METTL22: variants seen among roughly 807,000 people sequenced by gnomAD.
The protein encoded by METTL22 is methyltransferase-like protein 22.
Under a neutral mutation model 48.4 loss-of-function variants are expected in METTL22, and 51 were observed. The ratio of observed to expected loss-of-function variants is 1.05; its 90% CI spans 0.84 to 1.33. METTL22 has a LOEUF of 1.33. METTL22 is among the 40% of genes most tolerant of loss of function. METTL22 has a pLI of 0.00. For missense variants in METTL22, 678 were observed against 526.9 expected (o/e 1.29, Z -2.81); for synonymous variants, 255 against 214.1 (o/e 1.19, Z -1.67).
At position 8,642,467 on chromosome 16, in the gene METTL22, T is replaced by A. The variant is rs753256419; in HGVS notation, c.912T>A (p.Phe304Leu). Residue 304 changes from phenylalanine (F) to leucine (L), a missense_variant, in exon 9 of 11, where the codon TTT becomes TTA. Phe to Leu is a conservative substitution (Grantham distance 22, BLOSUM62 0). Transcript: ENST00000381920. ...TGGCCTTTTTGCTTCCCACAGTGTT[T>A]TACGACGACGACTTGACTGATGCTG... ...HTTILFAAEV[F>L]YDDDLTDAVF... 2.5e-6 allele frequency: 4 copies of A among 1,614,202 alleles called. No homozygotes were observed. Among genetic ancestry groups the A allele is most frequent in the Non-Finnish European group, 2.5e-6 (3 of 1,180,016 alleles).
chr16:8,624,608 G>A (rs1418253155), intron 1 of METTL22, among the ~76,000 whole-genome samples: 4 of 152,014 alleles, frequency 2.6e-5, no homozygotes, highest in Non-Finnish European at 5.9e-5. Flanking sequence ...GCTCACGCCT[G>A]TAATCCCAGC....
At chr16:8,634,246 C>T (rs1448614605) in intron 3 of METTL22, among the ~76,000 whole-genome samples, 1 of 152,168 alleles carries the variant, frequency 6.6e-6, no homozygotes, top group Non-Finnish European at 1.5e-5. Context: ...CCTACACAGT[C>T]GATTTCTTTC....
chr16:8,644,539 C>T lies in METTL22; in HGVS notation c.1011-18C>T, dbSNP rs370223411. 18 of 1,527,892 alleles carry T rather than the reference C, an allele frequency of 1.2e-5. No individual in the cohort carries two copies. The highest frequency in any genetic ancestry group is 2.8e-5 in the African/African-American group (2 of 71,900). The allele number at this position is 1,527,892 out of a possible 1,614,324, so 94.6% of individuals were successfully genotyped here. On this transcript the variant is annotated intron_variant, in intron 9 of 10. Coordinates refer to ENST00000381920, the MANE Select transcript of METTL22 (RefSeq NM_024109.4). ...CATTGATGATGGCAGTTTGTGCGTC[C>T]GACTGGCTGGTTTGCAGGCTCAACT...
chr16:8,640,997 G>A (rs1057164287), intron 6 of METTL22, 134 bp from the exon 7 acceptor site: 2 of 738,380 alleles, frequency 2.7e-6, no homozygotes, highest in African/African-American at 1.8e-5. Context: ...AAGATGGAAG[G>A]GCAGGAAGGT....
chr16:8,656,818 T>C, the METTL22 span, among the ~76,000 whole-genome samples: 1 of 152,030 alleles, frequency 6.6e-6, no homozygotes, highest in Non-Finnish European at 1.5e-5. Flanking sequence ...GGCTGGGAGG[T>C]CCAAGAGCTA....
the METTL22 span, among the ~76,000 whole-genome samples, chr16:8,656,816 G>A: frequency 4.6e-4 from 70 of 152,356 alleles, no homozygotes; most frequent in Middle Eastern, 3.4e-3. Flanking sequence ...GAGGCTGGGA[G>A]GTCCAAGAGC....
rs148753175 is a variant in METTL22, at chr16:8,634,748, C to T, written c.515-291C>T. 9.2e-3 allele frequency among the ~76,000 whole-genome samples: 1,395 copies of T among 152,206 alleles called. 23 individuals carry two copies. Among genetic ancestry groups the T allele is most frequent in the African/African-American group, 0.032 (1,332 of 41,530 alleles). On this transcript the variant is annotated intron_variant, in intron 3 of 10. Transcript: ENST00000381920. ...ACTGCATGTGGGTGCAATTAAATTG[C>T]GTGAAAACCTAATTGTGACCCTCCC...
chr16:8,647,904 C>G lies in METTL22; in HGVS notation c.*1761C>G, dbSNP rs1182418308. ...CAACTTGCCCAACATCACACAGCAA[C>G]CAAGGGCAGAGTCAGGTTTAGAGCC... On this transcript the variant is annotated 3_prime_UTR_variant, in exon 11 of 11. Coordinates refer to ENST00000381920, the MANE Select transcript of METTL22 (RefSeq NM_024109.4). 2 of 152,272 alleles carry G rather than the reference C, an allele frequency of 1.3e-5. No homozygotes were observed. The highest frequency in any genetic ancestry group is 4.8e-5 in the African/African-American group (2 of 41,474). The allele number at this position is 152,272 out of a possible 1,614,324, so 9.4% of individuals were successfully genotyped here.
chr16:8,636,619 G>A (rs1326760016), intron 5 of METTL22, among the ~76,000 whole-genome samples: 1 of 143,172 alleles, frequency 7.0e-6, no homozygotes, highest in Non-Finnish European at 1.5e-5. Context: ...GAGCATTTTG[G>A]CCATTCCTAT....
Position 8,647,694 on chromosome 16 carries a change from T to C in METTL22, c.*1551T>C, listed in dbSNP as rs914924028. 6.6e-6 allele frequency: 1 copy of C among 152,214 alleles called. No individual in the cohort carries two copies. Among genetic ancestry groups the C allele is most frequent in the Non-Finnish European group, 1.5e-5 (1 of 68,062 alleles). 9.4% of individuals were successfully genotyped at this position (152,214 alleles called of 1,614,324 possible). A position where few individuals can be genotyped will look rare whatever the true frequency, so the allele number is the denominator to read the frequency against. ...CTTGGAAGAAGAAAGCCAAGTACTTTAGAGAAGAAAAACGGTCTCAGCTGA... is the reference window on the plus strand; with the variant it reads ...CTTGGAAGAAGAAAGCCAAGTACTTCAGAGAAGAAAAACGGTCTCAGCTGA... On this transcript the variant is annotated 3_prime_UTR_variant, in exon 11 of 11. Transcript: ENST00000381920.
rs750393679 is a variant in METTL22 at position 8,645,982 on chromosome 16, A to AACTCGCCT, written c.1180-126_1180-125insACTCGCCT. The AACTCGCCT allele has an allele frequency of 2.8e-3, 3,514 of 1,268,366 alleles. 130 individuals carry two copies. The African/African-American group carries it at 0.094, about 34-fold the overall frequency. The allele number at this position is 1,268,366 out of a possible 1,614,324, so 78.6% of individuals were successfully genotyped here. ...GAAGCCGCCCGTCCGCTCCTGCCCCAGCTCGCCTGCTCCGTGGCTGACGTG... is the reference window on the plus strand; with the variant it reads ...GAAGCCGCCCGTCCGCTCCTGCCCCAACTCGCCTGCTCGCCTGCTCCGTGGCTGACGTG... On this transcript the variant is annotated intron_variant, in intron 10 of 10. Transcript: ENST00000381920.
intron 9 of METTL22, 182 bp downstream of exon 9, chr16:8,642,747 C>A: frequency 4.6e-6 from 3 of 652,708 alleles, no homozygotes; most frequent in South Asian, 1.7e-5. Flanking sequence ...TGCATCCTAG[C>A]CCTGTGTGCA....
At chr16:8,623,403 C>T (rs1429659544) in intron 1 of METTL22, among the ~76,000 whole-genome samples, 1 of 151,958 alleles carries the variant, frequency 6.6e-6, no homozygotes, top group Non-Finnish European at 1.5e-5. Flanking sequence ...GAGGATCTTC[C>T]CCACCCCCTT....
At chr16:8,632,978 C>G (rs1343694501) in intron 3 of METTL22, among the ~76,000 whole-genome samples, 1 of 152,002 alleles carries the variant, frequency 6.6e-6, no homozygotes, top group East Asian at 1.9e-4. Flanking sequence ...AGCAGGAACC[C>G]TTAGGACAGC....
chr16:8,650,558 A>G (rs181664018), downstream of METTL22, among the ~76,000 whole-genome samples: 6 of 152,376 alleles, frequency 3.9e-5, no homozygotes, highest in East Asian at 1.2e-3. Context: ...GTTAGCAACA[A>G]TATATTGTGT....
At position 8,647,287 on chromosome 16, in the gene METTL22, C is replaced by T. The variant is rs2056822159; in HGVS notation, c.*1144C>T. On this transcript the variant is annotated 3_prime_UTR_variant, in exon 11 of 11. Transcript: ENST00000381920. ...CCGCAGCCTTGTGATACCCACATTA[C>T]AGCGGAGAAGACTGAGGTCCAAAAA... 6.6e-6 allele frequency: 1 copy of T among 150,450 alleles called. No individual in the cohort carries two copies. The highest frequency in any genetic ancestry group is 2.0e-4 in the South Asian group (1 of 4,908). 9.3% of individuals were successfully genotyped at this position (150,450 alleles called of 1,614,324 possible).
intron 6 of METTL22, among the ~76,000 whole-genome samples, chr16:8,640,522 T>G: frequency 2.8e-4 from 2 of 7,140 alleles, no homozygotes; most frequent in African/African-American, 5.7e-4. Flanking sequence ...AGAAAATGGA[T>G]GATGGATGAG....
At chr16:8,665,994 A>G in the METTL22 span, among the ~76,000 whole-genome samples, 1 of 152,240 alleles carries the variant, frequency 6.6e-6, no homozygotes, top group East Asian at 1.9e-4. Context: ...AGAGGCATTT[A>G]GAACCTTAGC....
rs951398778 is a variant in METTL22, at chr16:8,625,572, C to T, written c.-94C>T. On this transcript the variant is annotated 5_prime_UTR_variant, in exon 2 of 11. Coordinates refer to ENST00000381920, the MANE Select transcript of METTL22 (RefSeq NM_024109.4). ...AAAGCTACTCGCTACCAGCTTGGACCTGTCTGCAGTATCTCCTCTGGGACC... is the reference window on the plus strand; with the variant it reads ...AAAGCTACTCGCTACCAGCTTGGACTTGTCTGCAGTATCTCCTCTGGGACC... 1 of 1,310,504 alleles carries T rather than the reference C, an allele frequency of 7.6e-7. No individual in the cohort carries two copies. Among genetic ancestry groups the T allele is most frequent in the Non-Finnish European group, 1.1e-6 (1 of 949,440 alleles). The allele number at this position is 1,310,504 out of a possible 1,614,324, so 81.2% of individuals were successfully genotyped here.
Sources: gnomAD v4.1 joint callset for allele counts (sites outside exome capture counted in the v4.1 genomes callset) on GRCh38, gnomAD v4.1.1 for gene constraint, MANE v1.5 for transcripts, NCBI Gene and HGNC (gene_info 2026-07-23, HGNC 2026-07-21) for gene names.